Variants in TENM3 observed in about 807,000 individuals in gnomAD.
The protein encoded by TENM3 is teneurin-3.
TENM3 carries 63 observed loss-of-function variants against 255.1 expected under a neutral mutation model. That is an observed-to-expected ratio of 0.25 (90% CI 0.20 to 0.30). TENM3 has a LOEUF of 0.30. Ranked by LOEUF, TENM3 falls within the 10% of genes least tolerant of loss-of-function variation. The pLI is 1.00. For missense variants in TENM3, 2,929 were observed against 3,461.1 expected, an observed-to-expected ratio of 0.85 and a Z score of 3.86; for synonymous variants, 1,306 against 1,322.3, an observed-to-expected ratio of 0.99 and a Z score of 0.27.
intron 22 of TENM3, among the ~76,000 whole-genome samples, chr4:182,762,746 C>T (rs1284248704): frequency 6.6e-6 from 1 of 152,170 alleles, no homozygotes; most frequent in Admixed American, 6.5e-5. Flanking sequence ...GGACACTGCA[C>T]TTCTCTTTGG....
At chr4:182,147,410 G>C (rs1750045024) in intron 1 of TENM3, among the ~76,000 whole-genome samples, 1 of 152,098 alleles carries the variant, frequency 6.6e-6, no homozygotes, top group Non-Finnish European at 1.5e-5. Context: ...AAGTTTATTA[G>C]TTTATTAATA....
chr4:181,692,173 A>G, the TENM3 span, among the ~76,000 whole-genome samples: 27 of 152,362 alleles, frequency 1.8e-4, no homozygotes, highest in African/African-American at 4.8e-4. Context: ...TGCAAATTGT[A>G]TAATGTATTA....
At chr4:181,773,514 G>A in the TENM3 span, among the ~76,000 whole-genome samples, 2 of 152,162 alleles carry the variant, frequency 1.3e-5, no homozygotes, top group African/African-American at 4.8e-5. Flanking sequence ...TCTATGCGAA[G>A]CCCCAGAAAT....
intron 1 of TENM3, among the ~76,000 whole-genome samples, chr4:182,244,163 C>T (rs1414801218): frequency 6.6e-6 from 1 of 151,480 alleles, no homozygotes; most frequent in Non-Finnish European, 1.5e-5. Context: ...CCATTTTAGC[C>T]GGGATGGTCT....
the TENM3 span, among the ~76,000 whole-genome samples, chr4:181,958,655 AG>A: frequency 2.6e-5 from 4 of 152,150 alleles, no homozygotes; most frequent in Non-Finnish European, 5.9e-5. Context: ...CTTGACCTCA[AG>A]CCAGTAATAT....
chr4:182,573,023 G>A (rs1364339967), intron 3 of TENM3, among the ~76,000 whole-genome samples: 2 of 152,114 alleles, frequency 1.3e-5, no homozygotes, highest in Non-Finnish European at 2.9e-5. Flanking sequence ...CTTGTTTATT[G>A]ATCATCTACC....
At chr4:182,239,066 TGTGTGTGTA>T (rs1336155076), upstream of TENM3, among the ~76,000 whole-genome samples, 686 of 149,930 alleles carry the variant, frequency 4.6e-3, 3 homozygotes, top group African/African-American at 0.016. Context: ...TGTGTGTGTG[TGTGTGTGTA>T]TTTTTTTTTT....
the TENM3 span, among the ~76,000 whole-genome samples, chr4:182,009,355 C>T: frequency 6.6e-6 from 1 of 152,160 alleles, no homozygotes; most frequent in African/African-American, 2.4e-5. Flanking sequence ...TATGCAGAGA[C>T]TGCTGCCACC....
chr4:181,905,856 T>C, the TENM3 span: 3 of 450,336 alleles, frequency 6.7e-6, no homozygotes, highest in Middle Eastern at 6.9e-4. Flanking sequence ...CTTTGAGATA[T>C]CATCATTATC....
At chr4:182,377,306 TATTTATTC>T (rs1366229023) in intron 3 of TENM3, among the ~76,000 whole-genome samples, 13 of 152,136 alleles carry the variant, frequency 8.5e-5, no homozygotes, top group Admixed American at 7.2e-4. Context: ...ATTTTGTATT[TATTTATTC>T]ATTTATTTAT....
the TENM3 span, among the ~76,000 whole-genome samples, chr4:182,069,464 G>A: frequency 6.6e-6 from 1 of 152,048 alleles, no homozygotes; most frequent in South Asian, 2.1e-4. Flanking sequence ...ATTCCTTCTA[G>A]CCCCCTTCTA....
chr4:181,959,046 G>C, the TENM3 span, among the ~76,000 whole-genome samples: 1 of 152,182 alleles, frequency 6.6e-6, no homozygotes, highest in East Asian at 1.9e-4. Context: ...TTTTGTTGTT[G>C]TTGTTTGTTT....
rs193081853 is a variant in TENM3, at chr4:182,722,536, G to A, written c.2369-6429G>A. Among the ~76,000 whole-genome samples the A allele has an allele frequency of 1.1e-3, 168 of 151,944 alleles. 1 individual carries two copies. Among genetic ancestry groups the A allele is most frequent in the Admixed American group, 2.7e-3 (41 of 15,244 alleles). On this transcript the variant is annotated intron_variant, in intron 13 of 27. Coordinates refer to ENST00000511685, the MANE Select transcript of TENM3 (RefSeq NM_001080477.4). ...CTGAGATGATTGCTGAAGGAATTGA[G>A]GGCTATGTGGAGAAGTAAGAGAGAA...
At chr4:181,707,085 G>A in the TENM3 span, among the ~76,000 whole-genome samples, 1 of 152,184 alleles carries the variant, frequency 6.6e-6, no homozygotes, top group African/African-American at 2.4e-5. Context: ...ACTAGAAAAT[G>A]CTTTGCAGAT....
chr4:182,251,209 C>T (rs566557241), intron 1 of TENM3, among the ~76,000 whole-genome samples: 3 of 152,338 alleles, frequency 2.0e-5, no homozygotes, highest in African/African-American at 7.2e-5. Context: ...GTGGCTCATG[C>T]CTGTAATTCC....
the TENM3 span, among the ~76,000 whole-genome samples, chr4:182,119,784 G>T: frequency 6.6e-6 from 1 of 152,086 alleles, no homozygotes; most frequent in Admixed American, 6.6e-5. Flanking sequence ...AAGGCTCCCT[G>T]CAACCTCAAA....
the TENM3 span, among the ~76,000 whole-genome samples, chr4:181,929,475 GAGCT>G: frequency 6.6e-6 from 1 of 152,042 alleles, no homozygotes; most frequent in African/African-American, 2.4e-5. Context: ...GTAACAAGAA[GAGCT>G]AGCTATCCTA....
At chr4:182,368,374 A>G (rs1475545466) in intron 3 of TENM3, among the ~76,000 whole-genome samples, 1 of 152,224 alleles carries the variant, frequency 6.6e-6, no homozygotes, top group Non-Finnish European at 1.5e-5. Context: ...AGCTTGTTAA[A>G]GACACAGCAG....
At chr4:182,339,042 C>T (rs1764312187) in intron 2 of TENM3, among the ~76,000 whole-genome samples, 1 of 152,098 alleles carries the variant, frequency 6.6e-6, no homozygotes, top group African/African-American at 2.4e-5. Context: ...CCCCAGTGTT[C>T]CCCCTCACCT....
Sources: allele counts gnomAD v4.1 joint callset (sites outside exome capture counted in the v4.1 genomes callset), GRCh38; gene constraint gnomAD v4.1.1; transcripts MANE v1.5; gene names NCBI Gene and HGNC (gene_info 2026-07-23, HGNC 2026-07-21).